The following SLC12A8 variants were observed in gnomAD, a reference collection of about 807,000 sequenced individuals.
The protein encoded by SLC12A8 is cation-chloride cotransporter 9.
SLC12A8 carries 69 observed loss-of-function variants against 75.6 expected under a neutral mutation model. That is an observed-to-expected ratio of 0.91 (90% confidence interval 0.75 to 1.11). The LOEUF is 1.11. SLC12A8 is among the 50% of genes most tolerant of loss of function. SLC12A8 has a pLI of 0.00. For synonymous variants in SLC12A8, 365 were observed against 372.8 expected (o/e 0.98, Z 0.24); for missense variants, 877 against 896.7 (o/e 0.98, Z 0.28).
chr3:125,091,471 T>C lies in SLC12A8; in HGVS notation c.1889A>G (p.Tyr630Cys), dbSNP rs758308592. 3 of 1,613,920 alleles carry C rather than the reference T, an allele frequency of 1.9e-6. No homozygotes were observed. Among genetic ancestry groups the C allele is most frequent in the South Asian group, 2.2e-5 (2 of 91,064 alleles). ...AAGCCCTGGACTGGCCCGGCCAATGTAGAAATACACGATGGCAGCAACACC... is the reference window on the plus strand; with the variant it reads ...AAGCCCTGGACTGGCCCGGCCAATGCAGAAATACACGATGGCAGCAACACC... ...NMGVAAIVYF[Y>C]IGRASPGLHL... Residue 630 changes from tyrosine to cysteine, a missense_variant, in exon 12 of 14, where the codon TAC (tyrosine) becomes TGC (cysteine). Transcript: ENST00000469902.
At chr3:125,180,029 GT>G (rs5852447) in intron 4 of SLC12A8, among the ~76,000 whole-genome samples, 19,129 of 150,830 alleles carry the variant, frequency 0.13, 1,507 homozygotes, top group Middle Eastern at 0.26. Context: ...CTTCCAAACT[GT>G]TTTTTTTTTC....
At chr3:125,156,660 G>C (rs758451404) in intron 5 of SLC12A8, among the ~76,000 whole-genome samples, 3 of 152,166 alleles carry the variant, frequency 2.0e-5, no homozygotes, top group Non-Finnish European at 4.4e-5. Flanking sequence ...AACAAATCAA[G>C]AAAATGAGAT....
At chr3:125,203,291 A>G (rs1935163936) in intron 2 of SLC12A8, among the ~76,000 whole-genome samples, 1 of 152,156 alleles carries the variant, frequency 6.6e-6, no homozygotes. Flanking sequence ...AGCAATCCTG[A>G]GCAAAAAGAA....
intron 6 of SLC12A8, among the ~76,000 whole-genome samples, chr3:125,128,468 C>A (rs1429790874): frequency 2.1e-5 from 3 of 139,576 alleles, no homozygotes; most frequent in Non-Finnish European, 4.6e-5. Context: ...GCGTGAGCCA[C>A]CGCGCCCGGC....
chr3:125,126,499 T>C (rs1323427127), intron 6 of SLC12A8, among the ~76,000 whole-genome samples: 1 of 152,198 alleles, frequency 6.6e-6, no homozygotes, highest in Non-Finnish European at 1.5e-5. Flanking sequence ...GTCATCTCTT[T>C]TCTTCCCTGC....
At chr3:125,197,958 G>C (rs1935037019) in intron 2 of SLC12A8, among the ~76,000 whole-genome samples, 2 of 152,178 alleles carry the variant, frequency 1.3e-5, no homozygotes. Context: ...TAACAAAAAA[G>C]AGAAATTAGT....
At chr3:125,086,987 G>A (rs1938474501) in intron 13 of SLC12A8, among the ~76,000 whole-genome samples, 1 of 152,152 alleles carries the variant, frequency 6.6e-6, no homozygotes, top group Non-Finnish European at 1.5e-5. Context: ...GTGTTTAATG[G>A]GCATGGTGAT....
intron 4 of SLC12A8, among the ~76,000 whole-genome samples, chr3:125,181,620 A>AG (rs1579529561): frequency 1.3e-5 from 2 of 149,546 alleles, no homozygotes; most frequent in East Asian, 3.9e-4. Flanking sequence ...AAAAAAAAAA[A>AG]AAAAAAAGAA....
rs1163618558 is a variant in SLC12A8, at chr3:125,177,909, C to T, written c.456G>A (p.Gly152=). The T allele has an allele frequency of 3.1e-6, 5 of 1,614,174 alleles. No individual in the cohort carries two copies. Among genetic ancestry groups the T allele is most frequent in the Admixed American group, 1.7e-5 (1 of 60,010 alleles). Residue 152 remains glycine, a synonymous_variant, in exon 5 of 14, where the codon GGG becomes GGA. Coordinates refer to ENST00000469902, the MANE Select transcript of SLC12A8 (RefSeq NM_024628.6). ...AESISDLLGL[G]NIWAVRGISV... is the part of the protein sequence containing the mutation. ...AAATTCCTCGCACAGCCCAGATATT[C>T]CCGAGGCCCAGCAAATCCGAGATGG...
rs1444797890 is a variant in SLC12A8, at chr3:125,082,805, A to C, written c.*1085T>G. The C allele has an allele frequency of 6.6e-6, 1 of 152,248 alleles. No individual in the cohort carries two copies. The highest frequency in any genetic ancestry group is 1.5e-5 in the Non-Finnish European group (1 of 68,038). 9.4% of individuals were successfully genotyped at this position (152,248 alleles called of 1,614,324 possible). On this transcript the variant is annotated 3_prime_UTR_variant, in exon 14 of 14. Coordinates refer to ENST00000469902, the MANE Select transcript of SLC12A8 (RefSeq NM_024628.6). ...ATTATTCACTGCAGAGCTGATTGTCATTGCAAAAGATTGGAAAGAATCCAA... is the reference window on the plus strand; with the variant it reads ...ATTATTCACTGCAGAGCTGATTGTCCTTGCAAAAGATTGGAAAGAATCCAA...
intron 5 of SLC12A8, among the ~76,000 whole-genome samples, chr3:125,141,974 G>C (rs1054858359): frequency 6.6e-6 from 1 of 152,200 alleles, no homozygotes; most frequent in African/African-American, 2.4e-5. Context: ...AGGGCGTCGG[G>C]GGAAGTGGTA....
rs544331882 is a variant in SLC12A8 at position 125,152,284 on chromosome 3, C to T, written c.623-16502G>A. Among the ~76,000 whole-genome samples, 67 of 152,254 alleles carry T rather than the reference C, an allele frequency of 4.4e-4. 1 individual carries two copies. The highest frequency in any genetic ancestry group is 1.5e-3 in the African/African-American group (64 of 41,568). On this transcript the variant is annotated intron_variant, in intron 5 of 13. Coordinates refer to ENST00000469902, the MANE Select transcript of SLC12A8 (RefSeq NM_024628.6). ...TTTGCTTTAGGCCATAACAGAAGTC[C>T]CTTGATTACTTCAGGAGCTTCAGAA...
intron 6 of SLC12A8, among the ~76,000 whole-genome samples, chr3:125,128,626 T>A (rs559578985): frequency 1.2e-4 from 19 of 152,194 alleles, no homozygotes; most frequent in African/African-American, 4.6e-4. Context: ...ACTACAGGCT[T>A]GAGCCACTGC....
At chr3:125,187,751 C>T (rs1455514565) in intron 3 of SLC12A8, among the ~76,000 whole-genome samples, 3 of 142,490 alleles carry the variant, frequency 2.1e-5, no homozygotes, top group Non-Finnish European at 3.1e-5. Flanking sequence ...CAAGTTCTCT[C>T]CCCACCCCCA....
intron 2 of SLC12A8, among the ~76,000 whole-genome samples, chr3:125,210,042 C>T (rs1006369949): frequency 2.1e-4 from 32 of 152,214 alleles, no homozygotes; most frequent in African/African-American, 7.2e-4. Flanking sequence ...TCCAATCCTT[C>T]GATGTTTAGC....
chr3:125,203,044 C>T (rs1935156116), intron 2 of SLC12A8, among the ~76,000 whole-genome samples: 1 of 132,168 alleles, frequency 7.6e-6, no homozygotes, highest in Non-Finnish European at 1.5e-5. Flanking sequence ...GCTGAGATCG[C>T]ATCATTGCAC....
intron 8 of SLC12A8, 25 bp from the exon 9 acceptor site, chr3:125,110,360 C>T (rs771696832): frequency 1.2e-6 from 2 of 1,605,590 alleles, no homozygotes; most frequent in East Asian, 2.2e-5. Context: ...GTTTCATTCG[C>T]CAGTGCCAGA....
chr3:125,091,740 A>C (rs1368717219), intron 11 of SLC12A8, among the ~76,000 whole-genome samples, 184 bp from the exon 12 acceptor site: 2 of 152,218 alleles, frequency 1.3e-5, no homozygotes, highest in Non-Finnish European at 2.9e-5. Flanking sequence ...TTGGGCAGAC[A>C]CCTTCTGAAA....
intron 10 of SLC12A8, among the ~76,000 whole-genome samples, chr3:125,094,939 T>C (rs1040435020): frequency 6.6e-6 from 1 of 152,214 alleles, no homozygotes; most frequent in African/African-American, 2.4e-5. Flanking sequence ...TTGGAAAAAT[T>C]ATCCTCTAAG....
Sources: allele counts gnomAD v4.1 joint callset (sites outside exome capture counted in the v4.1 genomes callset), GRCh38; gene constraint gnomAD v4.1.1; transcripts MANE v1.5; gene names NCBI Gene and HGNC (gene_info 2026-07-23, HGNC 2026-07-21).